Variants in PIK3R5 observed in about 807,000 individuals in gnomAD.
PIK3R5 encodes the protein phosphoinositide 3-kinase regulatory subunit 5.
PIK3R5 carries 32 observed loss-of-function variants against 94.9 expected under a neutral mutation model. The observed-to-expected ratio is 0.34, with a 90% CI of 0.25 to 0.45. The LOEUF (loss-of-function observed/expected upper bound fraction) is 0.45. PIK3R5 is among the 20% of genes least tolerant of loss of function. PIK3R5 has a pLI of 1.00. For missense variants in PIK3R5, 853 were observed against 1,144.6 expected (o/e 0.75, Z 3.68); for synonymous variants, 443 against 479.4 (o/e 0.92, Z 0.99).
At chr17:8,906,507 T>C (rs528585073) in intron 3 of PIK3R5, among the ~76,000 whole-genome samples, 31 of 152,344 alleles carry the variant, frequency 2.0e-4, no homozygotes, top group African/African-American at 7.0e-4. Flanking sequence ...TTTTCCTTCA[T>C]GGATTTTTGC....
rs773339519 is a variant in PIK3R5 at position 8,880,891 on chromosome 17, C to T, written c.2495+14G>A. On this transcript the variant is annotated intron_variant, in intron 18 of 18. Coordinates refer to ENST00000447110, the MANE Select transcript of PIK3R5 (RefSeq NM_001142633.3). Reference sequence around the variant, plus strand: ...GCAGAAACTGCTCCCCTCCCTAGGACCCCCCTTTCCTACCTGACTACACTC... The same window carrying T: ...GCAGAAACTGCTCCCCTCCCTAGGATCCCCCTTTCCTACCTGACTACACTC... 3.1e-6 allele frequency: 5 copies of T among 1,612,140 alleles called. No homozygotes were observed. The highest frequency in any genetic ancestry group is 4.2e-6 in the Non-Finnish European group (5 of 1,178,172).
rs554223914 is a variant in PIK3R5 at position 8,915,779 on chromosome 17, A to G, written c.-13-4272T>C. 3 of 152,416 alleles carry G rather than the reference A, an allele frequency of 2.0e-5. No homozygotes were observed. The East Asian group carries it at 5.8e-4, about 29-fold the overall frequency. The allele number at this position is 152,416 out of a possible 1,614,324, so 9.4% of individuals were successfully genotyped here. On this transcript the variant is annotated intron_variant, in intron 1 of 18. Transcript: ENST00000447110. The stretch of plus-strand genomic sequence containing the variant: ...ACACTGTAATGGATGCAAACACAAG[A>G]TGCAAATGAATGTTCTCAGCCAACA...
Position 8,909,270 on chromosome 17 carries a change from T to A in PIK3R5, c.104-96A>T, listed in dbSNP as rs1044631380. 9.7e-6 allele frequency: 7 copies of A among 724,724 alleles called. No individual in the cohort carries two copies. Among genetic ancestry groups the A allele is most frequent in the Non-Finnish European group, 1.7e-5 (7 of 421,046 alleles). 44.9% of individuals were successfully genotyped at this position (724,724 alleles called of 1,614,324 possible). A position where few individuals can be genotyped will look rare whatever the true frequency, so the allele number is the denominator to read the frequency against. ...GAAGGGGCATTTATGCTGGAACATT[T>A]TTCTGTGGTATTGCACTGGAACACT... On this transcript the variant is annotated intron_variant, in intron 2 of 18. Coordinates refer to ENST00000447110, the MANE Select transcript of PIK3R5 (RefSeq NM_001142633.3). This position sits in a 1 kb window ranked among gnomAD's most constrained non-coding sequence, Gnocchi z 4.3.
In PIK3R5 at chr17:8,890,992, G is replaced by C; in HGVS notation, c.483-80C>G. 7.2e-7 allele frequency: 1 copy of C among 1,391,074 alleles called. No homozygotes were observed. The highest frequency in any genetic ancestry group is 9.8e-7 in the Non-Finnish European group (1 of 1,020,042). The allele number at this position is 1,391,074 out of a possible 1,614,324, so 86.2% of individuals were successfully genotyped here. On this transcript the variant is annotated intron_variant, in intron 6 of 18. Coordinates refer to ENST00000447110, the MANE Select transcript of PIK3R5 (RefSeq NM_001142633.3). This position sits in a 1 kb window ranked among gnomAD's most constrained non-coding sequence, Gnocchi z 6.1. ...GCAGCCACCCCCCTCGTGCCTGCTG[G>C]TGCTCAGCTCCACTGAGACCAGGGC...
At chr17:8,956,020 C>T (rs1026952716) in intron 1 of PIK3R5, among the ~76,000 whole-genome samples, 2 of 151,910 alleles carry the variant, frequency 1.3e-5, no homozygotes, top group Non-Finnish European at 2.9e-5. Context: ...ATTAGCTGGG[C>T]GTGGTGGCAT....
intron 1 of PIK3R5, among the ~76,000 whole-genome samples, chr17:8,914,361 G>A (rs978348191): frequency 6.6e-6 from 1 of 152,150 alleles, no homozygotes; most frequent in Non-Finnish European, 1.5e-5. Flanking sequence ...AATTGTGGCT[G>A]AGACCCAATT....
In PIK3R5 at chr17:8,955,225, C is replaced by T. The variant is rs974596847; in HGVS notation, c.-14+10371G>A. On this transcript the variant is annotated intron_variant, in intron 1 of 18. Transcript: ENST00000447110. The surrounding 1 kb of genome is among the most constrained non-coding windows in gnomAD (Gnocchi z 4.4). ...TCATCAGTCATCCAAGGCTGAGGCCCGGGCCTCTTCCATGCTGGCTGCTCG... is the reference window on the plus strand; with the variant it reads ...TCATCAGTCATCCAAGGCTGAGGCCTGGGCCTCTTCCATGCTGGCTGCTCG... Among the ~76,000 whole-genome samples, 6 of 152,188 alleles carry T rather than the reference C, an allele frequency of 3.9e-5. No individual in the cohort carries two copies. Among genetic ancestry groups the T allele is most frequent in the Non-Finnish European group, 4.4e-5 (3 of 68,030 alleles).
At chr17:8,960,093 G>A (rs1776310015) in intron 1 of PIK3R5, among the ~76,000 whole-genome samples, 1 of 152,242 alleles carries the variant, frequency 6.6e-6, no homozygotes, top group African/African-American at 2.4e-5. Flanking sequence ...CGAGTCCCTG[G>A]TCTGTGTCAG....
intron 1 of PIK3R5, among the ~76,000 whole-genome samples, chr17:8,937,861 G>A (rs2091103994): frequency 2.0e-5 from 3 of 152,286 alleles, no homozygotes; most frequent in Middle Eastern, 6.8e-3. Flanking sequence ...CCAGGCTGGA[G>A]TGCAATGGCA....
At chr17:8,960,306 C>G (rs1294518763) in intron 1 of PIK3R5, among the ~76,000 whole-genome samples, 1 of 152,236 alleles carries the variant, frequency 6.6e-6, no homozygotes, top group African/African-American at 2.4e-5. Context: ...AGTCTCAACT[C>G]AAATATGACT....
intron 4 of PIK3R5, 148 bp from the exon 5 acceptor site, chr17:8,905,063 C>T: frequency 1.2e-6 from 1 of 835,504 alleles, no homozygotes; most frequent in Non-Finnish European, 1.9e-6. Flanking sequence ...TCAGGTGGAA[C>T]TGGAAGTTAC....
intron 4 of PIK3R5, 51 bp downstream of exon 4, chr17:8,905,618 G>T: frequency 7.2e-7 from 1 of 1,392,002 alleles, no homozygotes; most frequent in Non-Finnish European, 9.9e-7. Flanking sequence ...GATAGAGGTC[G>T]CTCCTCCCCC....
chr17:8,928,219 C>A (rs189432258), intron 1 of PIK3R5, among the ~76,000 whole-genome samples: 4 of 151,816 alleles, frequency 2.6e-5, no homozygotes, highest in African/African-American at 9.7e-5. Context: ...GAAAGAAGGC[C>A]GGGCTGAAAA....
At chr17:8,913,505 G>A (rs915870407) in intron 1 of PIK3R5, among the ~76,000 whole-genome samples, 2 of 152,126 alleles carry the variant, frequency 1.3e-5, no homozygotes, top group Non-Finnish European at 2.9e-5. Flanking sequence ...TCAGGATTTC[G>A]AATCCAGCCT....
chr17:8,940,131 C>T (rs1331337389), intron 1 of PIK3R5, among the ~76,000 whole-genome samples: 3 of 152,178 alleles, frequency 2.0e-5, no homozygotes, highest in Non-Finnish European at 4.4e-5. Flanking sequence ...GGGGGCCTGG[C>T]TGAAGGTGTG....
In PIK3R5 at chr17:8,884,679, G is replaced by A; in HGVS notation, c.2205+28C>T. 6.4e-7 allele frequency: 1 copy of A among 1,565,994 alleles called. No homozygotes were observed. On this transcript the variant is annotated intron_variant, in intron 15 of 18. Coordinates refer to ENST00000447110, the MANE Select transcript of PIK3R5 (RefSeq NM_001142633.3). The surrounding 1 kb of genome is among the most constrained non-coding windows in gnomAD (Gnocchi z 5.8). ...GGAAGTATCAGCAGCAGATCCTGGA[G>A]GGGAAGGAGCCCCAGCACGGGTCTT...
intron 14 of PIK3R5, chr17:8,885,052 CTGTGAT>C (rs1291492824): frequency 2.2e-6 from 1 of 461,752 alleles, no homozygotes; most frequent in East Asian, 4.2e-5. Context: ...CCCATCTCCG[CTGTGAT>C]CACACCTTCC....
intron 1 of PIK3R5, among the ~76,000 whole-genome samples, chr17:8,941,477 T>G (rs2091178615): frequency 6.6e-6 from 1 of 152,110 alleles, no homozygotes; most frequent in South Asian, 2.1e-4. Flanking sequence ...CTGAGACAGA[T>G]GAAAGGAGTT....
At chr17:8,883,332 C>T (rs1301822391) in intron 15 of PIK3R5, among the ~76,000 whole-genome samples, 1 of 152,216 alleles carries the variant, frequency 6.6e-6, no homozygotes, top group African/African-American at 2.4e-5. Flanking sequence ...TGAGCCATTG[C>T]ACTCTAGCCT....
Sources: gnomAD v4.1 joint callset for allele counts (sites outside exome capture counted in the v4.1 genomes callset) on GRCh38, gnomAD v4.1.1 for gene constraint, Gnocchi (gnomAD v3.1) non-coding constraint, MANE v1.5 for transcripts, NCBI Gene and HGNC (gene_info 2026-07-23, HGNC 2026-07-21) for gene names.